GABRB1: variants seen among roughly 807,000 people sequenced by gnomAD.
GABRB1 encodes the protein gamma-aminobutyric acid receptor subunit beta-1.
GABRB1 carries 17 observed loss-of-function variants against 51.6 expected under a neutral mutation model. The ratio of observed to expected loss-of-function variants is 0.33; its 90% CI spans 0.23 to 0.49. GABRB1 has a LOEUF of 0.49. GABRB1 is among the 20% of genes least tolerant of loss of function. The pLI is 0.99. For synonymous variants in GABRB1, 247 were observed against 218.9 expected, an observed-to-expected ratio of 1.13 and a Z score of -1.14; for missense variants, 410 against 600.6, an observed-to-expected ratio of 0.68 and a Z score of 3.32.
intron 5 of GABRB1, among the ~76,000 whole-genome samples, chr4:47,380,762 T>C (rs373845881): frequency 5.9e-5 from 9 of 152,324 alleles, no homozygotes; most frequent in African/African-American, 2.2e-4. Context: ...AGTTATTCAA[T>C]GAAGATTGGG....
chr4:47,016,691 C>T lies in GABRB1; in HGVS notation c.-19-15223C>T, dbSNP rs1006123459. 7.9e-5 allele frequency among the ~76,000 whole-genome samples: 12 copies of T among 152,140 alleles called. No individual in the cohort carries two copies. The South Asian group carries it at 1.7e-3, about 21-fold the overall frequency. On this transcript the variant is annotated intron_variant, in intron 1 of 3. Transcript: ENST00000513567. ...GCAACTTCCATCTCCTGGGTTCAAG[C>T]GATTCTCTTGCCTCAGCCTCCTGAG...
At chr4:47,214,275 G>A (rs1720473181) in intron 4 of GABRB1, among the ~76,000 whole-genome samples, 1 of 152,156 alleles carries the variant, frequency 6.6e-6, no homozygotes, top group African/African-American at 2.4e-5. Context: ...GACTCCCTTT[G>A]TTTACAGTGA....
intron 5 of GABRB1, among the ~76,000 whole-genome samples, chr4:47,401,020 C>T (rs1459522507): frequency 6.7e-6 from 1 of 150,208 alleles, no homozygotes; most frequent in South Asian, 2.1e-4. Flanking sequence ...GCTCCGCCTC[C>T]GGGGTTCAGG....
intron 4 of GABRB1, among the ~76,000 whole-genome samples, chr4:47,300,271 G>A (rs1038307879): frequency 1.3e-5 from 2 of 151,734 alleles, no homozygotes; most frequent in Non-Finnish European, 2.9e-5. Context: ...AATTAAAAAA[G>A]TGTTAATAGT....
intron 4 of GABRB1, among the ~76,000 whole-genome samples, chr4:47,296,298 G>C (rs976983673): frequency 6.6e-6 from 1 of 152,030 alleles, no homozygotes; most frequent in South Asian, 2.1e-4. Context: ...GCTCCAATTA[G>C]AAGACACAGA....
At chr4:47,237,861 A>C (rs985453507) in intron 4 of GABRB1, among the ~76,000 whole-genome samples, 14 of 152,082 alleles carry the variant, frequency 9.2e-5, no homozygotes, top group African/African-American at 1.9e-4. Flanking sequence ...TGAAGTAATA[A>C]TTGAGATTTT....
At chr4:47,256,525 A>G (rs2109871060) in intron 4 of GABRB1, among the ~76,000 whole-genome samples, 1 of 152,350 alleles carries the variant, frequency 6.6e-6, no homozygotes, top group South Asian at 2.1e-4. Flanking sequence ...ATTGCTATGA[A>G]GAACTACCTG....
intron 1 of GABRB1, among the ~76,000 whole-genome samples, chr4:46,999,474 C>T (rs2109426091): frequency 6.6e-6 from 1 of 152,068 alleles, no homozygotes; most frequent in South Asian, 2.1e-4. Context: ...AACTTAGAAA[C>T]AAATTAAATG....
chr4:47,110,904 A>G (rs1715187316), intron 3 of GABRB1, among the ~76,000 whole-genome samples: 1 of 152,202 alleles, frequency 6.6e-6, no homozygotes, highest in African/African-American at 2.4e-5. Flanking sequence ...TTTTTAACCT[A>G]TATTTCTCTG....
At chr4:47,075,293 G>A (rs1020061194) in intron 3 of GABRB1, among the ~76,000 whole-genome samples, 9 of 152,048 alleles carry the variant, frequency 5.9e-5, no homozygotes, top group Non-Finnish European at 1.2e-4. Context: ...TTGTATAAAT[G>A]TAAACCAACT....
rs144163378 is a variant in GABRB1, at chr4:47,116,559, C to T, written c.241-44690C>T. On this transcript the variant is annotated intron_variant, in intron 3 of 8. Transcript: ENST00000295454. ...ATTGTCACTGCTAAATCTTTTGGAA[C>T]ATATAGTGGTAAATTAGTTTGGCTG... 4.5e-4 allele frequency among the ~76,000 whole-genome samples: 69 copies of T among 152,232 alleles called. No individual in the cohort carries two copies. In the Middle Eastern group the frequency reaches 0.01, roughly 23 times the overall value.
At chr4:47,122,980 G>GAAACAGAAA (rs1715848203) in intron 3 of GABRB1, among the ~76,000 whole-genome samples, 1 of 152,084 alleles carries the variant, frequency 6.6e-6, no homozygotes, top group African/African-American at 2.4e-5. Flanking sequence ...TTGAAGCTGT[G>GAAACAGAAA]AAACAGAAAT....
intron 4 of GABRB1, among the ~76,000 whole-genome samples, chr4:47,287,010 G>C (rs1359876275): frequency 1.3e-5 from 2 of 151,562 alleles, no homozygotes; most frequent in Non-Finnish European, 2.9e-5. Flanking sequence ...GACACAGCTG[G>C]GTTTAAACTA....
At chr4:47,134,629 T>C (rs1026356852) in intron 3 of GABRB1, among the ~76,000 whole-genome samples, 2 of 152,196 alleles carry the variant, frequency 1.3e-5, no homozygotes, top group African/African-American at 4.8e-5. Context: ...TAATAAGGAA[T>C]CATCTGTCAA....
At chr4:47,245,782 A>G (rs1046568206) in intron 4 of GABRB1, among the ~76,000 whole-genome samples, 1 of 150,750 alleles carries the variant, frequency 6.6e-6, no homozygotes, top group Admixed American at 6.6e-5. Flanking sequence ...GAGAATGAGG[A>G]GCATTGTGCA....
chr4:47,188,895 G>T (rs1719308061), intron 4 of GABRB1, among the ~76,000 whole-genome samples: 1 of 151,950 alleles, frequency 6.6e-6, no homozygotes, highest in Non-Finnish European at 1.5e-5. Context: ...AATAACTCAT[G>T]TAGTTAATCT....
At chr4:46,997,195 A>T (rs1176677087) in intron 1 of GABRB1, among the ~76,000 whole-genome samples, 16 of 151,964 alleles carry the variant, frequency 1.1e-4, no homozygotes, top group Non-Finnish European at 2.9e-5. Context: ...CTCATTTCTT[A>T]TTGTATGTAT....
chr4:47,268,433 G>A (rs1371003865), intron 4 of GABRB1, among the ~76,000 whole-genome samples: 1 of 152,088 alleles, frequency 6.6e-6, no homozygotes, highest in Non-Finnish European at 1.5e-5. Context: ...AAAAGAGAAG[G>A]GTAGGGGATG....
intron 4 of GABRB1, among the ~76,000 whole-genome samples, chr4:47,287,188 G>A (rs1358891242): frequency 6.6e-6 from 1 of 152,162 alleles, no homozygotes. Context: ...CAGGTGCTGA[G>A]GTTCTTATAC....
Sources: allele counts gnomAD v4.1 joint callset (sites outside exome capture counted in the v4.1 genomes callset), GRCh38; gene constraint gnomAD v4.1.1; transcripts MANE v1.5; gene names NCBI Gene and HGNC (gene_info 2026-07-23, HGNC 2026-07-21).